The following LNX1 variants were observed in gnomAD, a reference collection of about 807,000 sequenced individuals.
LNX1 encodes the protein ligand of numb-protein X 1.
A neutral mutation model predicts 68.4 loss-of-function variants in LNX1; 54 were observed. The observed-to-expected ratio is 0.79, with a 90% CI of 0.63 to 0.99. The LOEUF (loss-of-function observed/expected upper bound fraction) is 0.99. LNX1 is among the 50% of genes least tolerant of loss of function. The pLI, the probability that LNX1 is intolerant of heterozygous loss-of-function variation, is 0.00. For missense variants in LNX1, 906 were observed against 926.4 expected (o/e 0.98, Z 0.29); for synonymous variants, 336 against 350.0 (o/e 0.96, Z 0.45).
At chr4:53,633,082 T>A (rs1734336162) in intron 1 of LNX1, among the ~76,000 whole-genome samples, 1 of 152,220 alleles carries the variant, frequency 6.6e-6, no homozygotes, top group Admixed American at 6.5e-5. Flanking sequence ...ACATCATCAC[T>A]TTTTAGCTGC....
intron 1 of LNX1, among the ~76,000 whole-genome samples, chr4:53,633,234 A>G (rs539772660): frequency 6.6e-6 from 1 of 152,356 alleles, no homozygotes; most frequent in African/African-American, 2.4e-5. Context: ...CCTATGGCAC[A>G]TAACAGGGAT....
intron 1 of LNX1, chr4:53,575,795 A>G (rs1339915605): frequency 6.3e-7 from 1 of 1,577,122 alleles, no homozygotes; most frequent in East Asian, 2.2e-5. Flanking sequence ...TTGGGGGCCC[A>G]GCTTCCTCCA....
At chr4:53,507,601 CT>C in intron 3 of LNX1, 132 bp from the exon 4 acceptor site, 2 of 1,055,208 alleles carry the variant, frequency 1.9e-6, no homozygotes, top group African/African-American at 1.6e-5. Context: ...GTAGAATTTG[CT>C]TACCTGTATT....
At chr4:53,623,398 A>AT (rs1215394716) in intron 1 of LNX1, among the ~76,000 whole-genome samples, 4 of 151,378 alleles carry the variant, frequency 2.6e-5, no homozygotes, top group African/African-American at 4.9e-5. Context: ...TGCCTGGCTA[A>AT]TTTTTTTGTA....
intron 4 of LNX1, among the ~76,000 whole-genome samples, chr4:53,499,307 T>G (rs959736464): frequency 6.6e-6 from 1 of 152,100 alleles, no homozygotes; most frequent in African/African-American, 2.4e-5. Flanking sequence ...TACAGGCACA[T>G]GCCACCATTC....
chr4:53,573,557 G>A, intron 2 of LNX1, 66 bp downstream of exon 2: 1 of 1,087,174 alleles, frequency 9.2e-7, no homozygotes, highest in Non-Finnish European at 1.4e-6. Context: ...AGGAGACTGG[G>A]GGGTGGAGGG....
At chr4:53,631,611 T>C (rs1486107435) in intron 1 of LNX1, among the ~76,000 whole-genome samples, 1 of 152,136 alleles carries the variant, frequency 6.6e-6, no homozygotes, top group Admixed American at 6.5e-5. Context: ...ATTACAAGTA[T>C]CCGAGAGACT....
chr4:53,645,046 AT>A (rs1401573429), intron 1 of LNX1, among the ~76,000 whole-genome samples: 1 of 152,194 alleles, frequency 6.6e-6, no homozygotes, highest in Non-Finnish European at 1.5e-5. Context: ...CAGCCAAAAG[AT>A]GATCCAGGTG....
chr4:53,549,224 G>T (rs1729328982), intron 2 of LNX1: 1 of 152,126 alleles, frequency 6.6e-6, no homozygotes, highest in Non-Finnish European at 1.5e-5. Flanking sequence ...GGTCATAAAA[G>T]ACACTCATCT....
chr4:53,517,752 C>T (rs2109559469), intron 2 of LNX1, among the ~76,000 whole-genome samples: 1 of 151,782 alleles, frequency 6.6e-6, no homozygotes, highest in Admixed American at 6.6e-5. Context: ...TACATGGCTG[C>T]TCACATAGCT....
chr4:53,470,959 A>G (rs536924215), intron 9 of LNX1, among the ~76,000 whole-genome samples: 9 of 148,546 alleles, frequency 6.1e-5, no homozygotes, highest in Admixed American at 1.3e-4. Context: ...CGAGCTACCA[A>G]TGACTTTCTT....
chr4:53,588,688 G>T (rs910665884), intron 1 of LNX1, among the ~76,000 whole-genome samples: 22 of 152,188 alleles, frequency 1.4e-4, no homozygotes, highest in African/African-American at 5.3e-4. Context: ...GTCCTTTGGG[G>T]AAAAATGTAG....
At chr4:53,652,179 T>C (rs1735135554) in exon 1 of LNX1, 2 of 152,186 alleles carry the variant, frequency 1.3e-5, no homozygotes, top group South Asian at 4.1e-4. Context: ...TTTGCTGTAT[T>C]GCGGATCAGT....
At chr4:53,601,581 A>T (rs1197905725) in intron 2 of LNX1, among the ~76,000 whole-genome samples, 1 of 152,194 alleles carries the variant, frequency 6.6e-6, no homozygotes, top group Non-Finnish European at 1.5e-5. Flanking sequence ...TGAGCCTGGT[A>T]GCAAGCCCAT....
chr4:53,649,913 G>A (rs528390706), intron 1 of LNX1, among the ~76,000 whole-genome samples: 2 of 152,262 alleles, frequency 1.3e-5, no homozygotes, highest in African/African-American at 4.8e-5. Flanking sequence ...CCTCGTAAGC[G>A]CTTTGTATCT....
chr4:53,576,309 G>A (rs1188999680), intron 1 of LNX1: 15 of 1,613,086 alleles, frequency 9.3e-6, no homozygotes, highest in Non-Finnish European at 1.2e-5. Context: ...AGTTCCAGGA[G>A]CTGCGGTACA....
intron 2 of LNX1, among the ~76,000 whole-genome samples, chr4:53,520,894 G>A (rs1429608680): frequency 6.6e-6 from 1 of 152,156 alleles, no homozygotes; most frequent in African/African-American, 2.4e-5. Flanking sequence ...CCCGGGAGGT[G>A]GAGGCTGCAG....
chr4:53,493,079 C>T (rs1243805612), intron 6 of LNX1, among the ~76,000 whole-genome samples: 1 of 152,150 alleles, frequency 6.6e-6, no homozygotes, highest in Non-Finnish European at 1.5e-5. Flanking sequence ...AAGCAGTTCT[C>T]CTACCTCAGC....
intron 2 of LNX1, among the ~76,000 whole-genome samples, chr4:53,512,437 T>C (rs1248101309): frequency 6.6e-6 from 1 of 151,902 alleles, no homozygotes; most frequent in African/African-American, 2.4e-5. Flanking sequence ...TCCTCTAGAA[T>C]GCAACACTAC....
Sources: allele counts gnomAD v4.1 joint callset (sites outside exome capture counted in the v4.1 genomes callset), GRCh38; gene constraint gnomAD v4.1.1; transcripts MANE v1.5; gene names NCBI Gene and HGNC (gene_info 2026-07-23, HGNC 2026-07-21).